The following PDE11A variants were observed in gnomAD, a reference collection of about 807,000 sequenced individuals.
PDE11A encodes the protein phosphodiesterase 11A.
In PDE11A, 100 loss-of-function variants were observed where a neutral mutation model predicts 100.5. That is an observed-to-expected ratio of 1.00 (90% CI 0.85 to 1.18). PDE11A has a LOEUF of 1.18. PDE11A is among the 50% of genes most tolerant of loss of function. The probability of loss-of-function intolerance (pLI) is 0.00; values close to 1 mark genes in which losing one functional copy is unlikely to be tolerated. For synonymous variants in PDE11A, 381 were observed against 420.8 expected (o/e 0.91, Z 1.16); for missense variants, 1,141 against 1,152.6 (o/e 0.99, Z 0.15).
intron 5 of PDE11A, among the ~76,000 whole-genome samples, chr2:177,845,439 C>G (rs1447635628): frequency 6.7e-6 from 1 of 150,362 alleles, no homozygotes; most frequent in African/African-American, 2.5e-5. Flanking sequence ...GATGGGCGGC[C>G]GGGCAGAGAC....
chr2:178,079,007 A>G (rs2087250111), intron 2 of PDE11A, among the ~76,000 whole-genome samples: 1 of 152,234 alleles, frequency 6.6e-6, no homozygotes, highest in South Asian at 2.1e-4. Flanking sequence ...TCTAAAAATC[A>G]GAAGTATCCT....
chr2:178,097,430 A>G (rs1156597035), intron 2 of PDE11A, among the ~76,000 whole-genome samples: 2 of 152,206 alleles, frequency 1.3e-5, no homozygotes, highest in African/African-American at 4.8e-5. Flanking sequence ...AGAAGTGTGA[A>G]GGAGGAAATT....
intron 1 of PDE11A, among the ~76,000 whole-genome samples, chr2:178,045,581 C>G (rs978723838): frequency 2.0e-5 from 3 of 152,216 alleles, no homozygotes; most frequent in African/African-American, 4.8e-5. Context: ...CAAACCCTGG[C>G]TCTCCAACTT....
At chr2:177,697,024 TA>T (rs1438715065) in intron 15 of PDE11A, among the ~76,000 whole-genome samples, 1 of 152,206 alleles carries the variant, frequency 6.6e-6, no homozygotes, top group Admixed American at 6.5e-5. Context: ...TTAACAGTCT[TA>T]AATAGCAATA....
At chr2:177,905,038 G>T in intron 3 of PDE11A, 60 bp downstream of exon 3, 2 of 889,356 alleles carry the variant, frequency 2.2e-6, no homozygotes, top group South Asian at 2.6e-5. Flanking sequence ...AAGACATAAT[G>T]ACTTACAGAA....
At chr2:178,054,452 T>A (rs1046459059) in intron 1 of PDE11A, among the ~76,000 whole-genome samples, 3 of 152,182 alleles carry the variant, frequency 2.0e-5, no homozygotes, top group Non-Finnish European at 4.4e-5. Context: ...GGACTTCATG[T>A]CTAAAATACC....
chr2:178,006,159 T>C (rs1305710086), intron 2 of PDE11A, among the ~76,000 whole-genome samples: 1 of 152,230 alleles, frequency 6.6e-6, no homozygotes, highest in African/African-American at 2.4e-5. Context: ...TATTTGATCA[T>C]TATATATTTT....
At chr2:177,965,506 C>T (rs1177270311) in intron 2 of PDE11A, among the ~76,000 whole-genome samples, 2 of 152,146 alleles carry the variant, frequency 1.3e-5, no homozygotes, top group East Asian at 1.9e-4. Flanking sequence ...TTACATTTAA[C>T]TTTTTAATCC....
At chr2:177,773,468 A>G (rs1331002989) in intron 9 of PDE11A, among the ~76,000 whole-genome samples, 2 of 152,228 alleles carry the variant, frequency 1.3e-5, no homozygotes, top group Admixed American at 6.5e-5. Flanking sequence ...CGAAATAAAT[A>G]CATGCTTTGG....
At chr2:177,885,448 A>T (rs1025637150) in intron 4 of PDE11A, among the ~76,000 whole-genome samples, 1 of 152,188 alleles carries the variant, frequency 6.6e-6, no homozygotes, top group South Asian at 2.1e-4. Context: ...CCTGGAACCA[A>T]TACCCAACAG....
At position 177,804,574 on chromosome 2, in the gene PDE11A, A is replaced by T. The variant is rs373271145; in HGVS notation, c.1737+12255T>A. Among the ~76,000 whole-genome samples the T allele has an allele frequency of 1.6e-3, 240 of 152,138 alleles. 2 individuals carry two copies. The highest frequency in any genetic ancestry group is 5.6e-3 in the African/African-American group (231 of 41,576). Reference sequence around the variant, plus strand: ...CAATCCAGTAATCCTACTACTAGGTATATCCCCAAAAAGAAATAAATCATT... The same window carrying T: ...CAATCCAGTAATCCTACTACTAGGTTTATCCCCAAAAAGAAATAAATCATT... On this transcript the variant is annotated intron_variant, in intron 9 of 19. Coordinates refer to ENST00000286063, the MANE Select transcript of PDE11A (RefSeq NM_016953.4).
At chr2:177,860,781 A>G (rs1350667974) in intron 5 of PDE11A, among the ~76,000 whole-genome samples, 1 of 151,786 alleles carries the variant, frequency 6.6e-6, no homozygotes, top group Non-Finnish European at 1.5e-5. Flanking sequence ...AGATTGGATT[A>G]TCATCCAAAA....
chr2:177,716,521 C>T (rs750828760), intron 12 of PDE11A, among the ~76,000 whole-genome samples: 1 of 152,068 alleles, frequency 6.6e-6, no homozygotes, highest in Admixed American at 6.6e-5. Context: ...TCTTTCTCTC[C>T]GTATTATTTG....
rs149734336 is a variant in PDE11A, at chr2:177,649,606, G to T, written c.2646+14260C>A. On this transcript the variant is annotated intron_variant, in intron 19 of 19. Transcript: ENST00000286063. ...CATATGTGTGAGCATAGTATATATA[G>T]ATGCATGCATATGCACTATATTTAC... Among the ~76,000 whole-genome samples the T allele has an allele frequency of 1.3e-3, 201 of 152,280 alleles. 1 individual carries two copies. The highest frequency in any genetic ancestry group is 4.6e-3 in the African/African-American group (191 of 41,560).
intron 13 of PDE11A, among the ~76,000 whole-genome samples, chr2:177,711,552 C>T (rs577218751): frequency 1.3e-5 from 2 of 152,220 alleles, no homozygotes; most frequent in African/African-American, 2.4e-5. Flanking sequence ...CAACAGAGAC[C>T]GACCAAATCA....
Position 177,727,650 on chromosome 2 carries a change from A to T in PDE11A, c.2043+8T>A. The T allele has an allele frequency of 6.7e-7, 1 of 1,489,506 alleles. No individual in the cohort carries two copies. The highest frequency in any genetic ancestry group is 9.4e-7 in the Non-Finnish European group (1 of 1,066,364). The allele number at this position is 1,489,506 out of a possible 1,614,324, so 92.3% of individuals were successfully genotyped here. On this transcript the variant is annotated splice_region_variant and intron_variant, in intron 12 of 19. Coordinates refer to ENST00000286063, the MANE Select transcript of PDE11A (RefSeq NM_016953.4). ...AAATGATCTTCCACCATCACTAAGCACACTTACGGTTAACATCGCGAACAT... is the reference window on the plus strand; with the variant it reads ...AAATGATCTTCCACCATCACTAAGCTCACTTACGGTTAACATCGCGAACAT...
Position 177,629,249 on chromosome 2 carries a change from T to A in PDE11A, c.*158A>T. 1 of 730,036 alleles carries A rather than the reference T, an allele frequency of 1.4e-6. No individual in the cohort carries two copies. Among genetic ancestry groups the A allele is most frequent in the Non-Finnish European group, 2.5e-6 (1 of 405,206 alleles). The allele number at this position is 730,036 out of a possible 1,614,324, so 45.2% of individuals were successfully genotyped here. On this transcript the variant is annotated 3_prime_UTR_variant, in exon 20 of 20. Coordinates refer to ENST00000286063, the MANE Select transcript of PDE11A (RefSeq NM_016953.4). ...TTGTCCTTCCCGTTGCTCTCTCTGC[T>A]GCTGACCATGCTTCAAGGTGAAAGC...
intron 9 of PDE11A, among the ~76,000 whole-genome samples, chr2:177,773,868 G>T (rs1350434136): frequency 6.6e-6 from 1 of 152,192 alleles, no homozygotes; most frequent in Non-Finnish European, 1.5e-5. Context: ...TGGTAGCATT[G>T]TTCCCTCTAA....
intron 2 of PDE11A, among the ~76,000 whole-genome samples, chr2:178,006,363 T>A (rs1359011509): frequency 6.6e-6 from 1 of 152,148 alleles, no homozygotes; most frequent in Non-Finnish European, 1.5e-5. Context: ...TTCCATGCAA[T>A]TAGATAAGAA....
Sources: gnomAD v4.1 joint callset for allele counts (sites outside exome capture counted in the v4.1 genomes callset) on GRCh38, gnomAD v4.1.1 for gene constraint, MANE v1.5 for transcripts, NCBI Gene and HGNC (gene_info 2026-07-23, HGNC 2026-07-21) for gene names.